The following SAMD4A variants were observed in gnomAD, a reference collection of about 807,000 sequenced individuals.
SAMD4A encodes the protein protein Smaug homolog 1.
A neutral mutation model predicts 81.3 loss-of-function variants in SAMD4A; 33 were observed. That is an observed-to-expected ratio of 0.41 (90% CI 0.31 to 0.54). The LOEUF is 0.54. SAMD4A is among the 20% of genes least tolerant of loss of function. SAMD4A has a pLI of 0.37. For synonymous variants in SAMD4A, 389 were observed against 382.1 expected, an observed-to-expected ratio of 1.02 and a Z score of -0.21; for missense variants, 854 against 951.1, an observed-to-expected ratio of 0.90 and a Z score of 1.34.
intron 2 of SAMD4A, among the ~76,000 whole-genome samples, chr14:54,618,445 G>A (rs1232305024): frequency 6.6e-6 from 1 of 152,180 alleles, no homozygotes; most frequent in Non-Finnish European, 1.5e-5. Flanking sequence ...TATCTACTGA[G>A]AAGCAATCAC....
At chr14:54,657,059 T>C (rs2035537179) in intron 2 of SAMD4A, among the ~76,000 whole-genome samples, 1 of 152,228 alleles carries the variant, frequency 6.6e-6, no homozygotes, top group South Asian at 2.1e-4. Context: ...GTATTCAGGA[T>C]GCCTTTTGTA....
At chr14:54,737,757 G>A (rs964107984) in intron 4 of SAMD4A, among the ~76,000 whole-genome samples, 1 of 150,888 alleles carries the variant, frequency 6.6e-6, no homozygotes, top group Non-Finnish European at 1.5e-5. Context: ...TTGCAGTAGT[G>A]CTTCCTTTCT....
intron 2 of SAMD4A, among the ~76,000 whole-genome samples, chr14:54,654,103 C>T (rs1156816457): frequency 6.6e-6 from 1 of 152,196 alleles, no homozygotes; most frequent in Non-Finnish European, 1.5e-5. Context: ...TTATGTTTTG[C>T]TCCAAGTCGT....
chr14:54,775,287 C>T (rs947088235), intron 10 of SAMD4A, 152 bp downstream of exon 10: 117 of 833,714 alleles, frequency 1.4e-4, no homozygotes, highest in Admixed American at 1.4e-4. Context: ...CAGCATTGTT[C>T]GCGTTGTTCT....
intron 2 of SAMD4A, among the ~76,000 whole-genome samples, chr14:54,698,842 G>GT (rs1326266436): frequency 1.3e-5 from 2 of 152,082 alleles, no homozygotes; most frequent in Non-Finnish European, 2.9e-5. Flanking sequence ...TGAATCCCAG[G>GT]TTAATCCACA....
chr14:54,725,120 T>A (rs1003582564), intron 3 of SAMD4A, among the ~76,000 whole-genome samples: 1 of 152,224 alleles, frequency 6.6e-6, no homozygotes, highest in Non-Finnish European at 1.5e-5. Context: ...GCTTTGCATA[T>A]GAGGAACCCA....
chr14:54,773,710 A>G (rs80107706), intron 9 of SAMD4A, among the ~76,000 whole-genome samples: 4,325 of 152,348 alleles, frequency 0.028, 85 homozygotes, highest in South Asian at 0.055. Flanking sequence ...AAGTGAAGGC[A>G]GTCTGTGTCC....
intron 2 of SAMD4A, among the ~76,000 whole-genome samples, chr14:54,615,874 A>C (rs2140283803): frequency 6.6e-6 from 1 of 152,316 alleles, no homozygotes; most frequent in South Asian, 2.1e-4. Flanking sequence ...TAATACGTAT[A>C]GGGACCCTCC....
In SAMD4A at chr14:54,662,584, AT is replaced by A. The variant is rs930273395; in HGVS notation, c.197-39468del. On this transcript the variant is annotated intron_variant, in intron 2 of 12. Coordinates refer to ENST00000554335, the MANE Select transcript of SAMD4A (RefSeq NM_015589.6). The stretch of plus-strand genomic sequence containing the variant: ...GCCCCCACACCTGGGTAACTTTTGT[AT>A]TTTTTTTTTAGTAGAGACAGGGTTT... Among the ~76,000 whole-genome samples the A allele has an allele frequency of 3.8e-4, 56 of 146,636 alleles. No homozygotes were observed. The East Asian group carries it at 8.1e-3, about 21-fold the overall frequency.
intron 2 of SAMD4A, chr14:54,682,063 T>C (rs2036140385): frequency 4.1e-6 from 4 of 985,190 alleles, no homozygotes; most frequent in Non-Finnish European, 4.8e-6. Context: ...CTGAGGTAGG[T>C]ATTTCATTAG....
At chr14:54,633,077 GT>G (rs2034943161) in intron 2 of SAMD4A, among the ~76,000 whole-genome samples, 1 of 152,194 alleles carries the variant, frequency 6.6e-6, no homozygotes. Flanking sequence ...TGTGATTTAG[GT>G]TCTGATGGAA....
intron 2 of SAMD4A, among the ~76,000 whole-genome samples, chr14:54,626,059 T>TGTGCGC (rs368142521): frequency 2.9e-5 from 3 of 102,128 alleles, no homozygotes; most frequent in South Asian, 3.3e-4. Context: ...TGTGTGTGTG[T>TGTGCGC]GCGCGCGCGC....
intron 2 of SAMD4A, among the ~76,000 whole-genome samples, chr14:54,682,768 A>C (rs12435731): frequency 0.31 from 46,751 of 152,194 alleles, 8,104 homozygotes; most frequent in Middle Eastern, 0.44. Context: ...AAGGAAATAG[A>C]GGCCAAATTC....
At chr14:54,668,812 G>C (rs1345536388) in intron 2 of SAMD4A, 1 of 152,258 alleles carries the variant, frequency 6.6e-6, no homozygotes, top group Non-Finnish European at 1.5e-5. Flanking sequence ...CGAGGCAAGA[G>C]AGGTTAAGTA....
chr14:54,568,123 G>T lies in SAMD4A; in HGVS notation c.196+11G>T. 6.8e-7 allele frequency: 1 copy of T among 1,471,334 alleles called. No individual in the cohort carries two copies. Among genetic ancestry groups the T allele is most frequent in the Non-Finnish European group, 8.9e-7 (1 of 1,118,394 alleles). The allele number at this position is 1,471,334 out of a possible 1,614,324, so 91.1% of individuals were successfully genotyped here. A position where few individuals can be genotyped will look rare whatever the true frequency, so the allele number is the denominator to read the frequency against. On this transcript the variant is annotated intron_variant, in intron 2 of 12. Transcript: ENST00000554335. ...AGGCCAACAGCCCCGGTAAGTGTGC[G>T]GCGGCCGCCGCCGCCGTCCCGCCTG...
chr14:54,606,426 C>T (rs17253494), intron 2 of SAMD4A, among the ~76,000 whole-genome samples: 16,658 of 152,162 alleles, frequency 0.11, 1,118 homozygotes, highest in African/African-American at 0.18. Context: ...TGCCTGCTTC[C>T]GACACGTCCT....
chr14:54,770,352 C>T, intron 9 of SAMD4A, 130 bp downstream of exon 9: 1 of 671,548 alleles, frequency 1.5e-6, no homozygotes, highest in African/African-American at 1.8e-5. Flanking sequence ...TGGCGAGTTC[C>T]AAATTGCATT....
At chr14:54,660,029 C>T (rs1325662752) in intron 2 of SAMD4A, among the ~76,000 whole-genome samples, 2 of 151,650 alleles carry the variant, frequency 1.3e-5, no homozygotes, top group South Asian at 2.1e-4. Context: ...TGCAGTGAGC[C>T]GAGATCGCCC....
chr14:54,676,827 C>T (rs577862234), intron 2 of SAMD4A, among the ~76,000 whole-genome samples: 43 of 152,300 alleles, frequency 2.8e-4, no homozygotes, highest in African/African-American at 9.6e-4. Flanking sequence ...TTCTCAAGAA[C>T]GTGTAGGGTT....
Sources: allele counts gnomAD v4.1 joint callset (sites outside exome capture counted in the v4.1 genomes callset), GRCh38; gene constraint gnomAD v4.1.1; transcripts MANE v1.5; gene names NCBI Gene and HGNC (gene_info 2026-07-23, HGNC 2026-07-21).